Variants in MROH6 observed in about 807,000 individuals in gnomAD.
MROH6 encodes maestro heat like repeat family member 6, also known as maestro heat-like repeat-containing protein family member 6.
A neutral mutation model predicts 67.7 loss-of-function variants in MROH6; 62 were observed. The observed-to-expected ratio is 0.92, with a 90% CI of 0.75 to 1.13. The LOEUF is 1.13. Ranked by LOEUF, MROH6 falls within the 50% of genes most tolerant of loss-of-function variation. The probability of loss-of-function intolerance (pLI) is 0.00; values close to 1 mark genes in which losing one functional copy is unlikely to be tolerated. For synonymous variants in MROH6, 566 were observed against 470.8 expected, an observed-to-expected ratio of 1.20 and a Z score of -2.62; for missense variants, 1,175 against 1,029.1, an observed-to-expected ratio of 1.14 and a Z score of -1.94.
At position 143,568,278 on chromosome 8, in the gene MROH6, G is replaced by A. The variant is rs571835476; in HGVS notation, c.1645-17C>T. 4 of 1,598,472 alleles carry A rather than the reference G, an allele frequency of 2.5e-6. No individual in the cohort carries two copies. The highest frequency in any genetic ancestry group is 1.7e-4 in the Middle Eastern group (1 of 5,936). On this transcript the variant is annotated splice_polypyrimidine_tract_variant and intron_variant, in intron 10 of 13. Coordinates refer to ENST00000398882, the MANE Select transcript of MROH6 (RefSeq NM_001100878.2). ...CTCTGAGCTCTGGGATAGGGGAAGTGAGCCGGGTCAGGGGTCCAGGAAGTA... is the reference window on the plus strand; with the variant it reads ...CTCTGAGCTCTGGGATAGGGGAAGTAAGCCGGGTCAGGGGTCCAGGAAGTA...
At position 143,566,480 on chromosome 8, in the gene MROH6, C is replaced by T. The variant is rs1282929663; in HGVS notation, c.*759G>A. On this transcript the variant is annotated 3_prime_UTR_variant, in exon 14 of 14. Coordinates refer to ENST00000398882, the MANE Select transcript of MROH6 (RefSeq NM_001100878.2). ...GCATCAGTAGCTCCCAGAGCAGCCTCTTCCTCATGTGTCCAGTGGCGCGTT... is the reference window on the plus strand; with the variant it reads ...GCATCAGTAGCTCCCAGAGCAGCCTTTTCCTCATGTGTCCAGTGGCGCGTT... 6.6e-6 allele frequency: 1 copy of T among 152,302 alleles called. No homozygotes were observed. Among genetic ancestry groups the T allele is most frequent in the Admixed American group, 6.5e-5 (1 of 15,290 alleles). 9.4% of individuals were successfully genotyped at this position (152,302 alleles called of 1,614,324 possible).
At position 143,568,594 on chromosome 8, in the gene MROH6, C is replaced by T. The variant is rs780395448; in HGVS notation, c.1602G>A (p.Pro534=). 17 of 1,545,648 alleles carry T rather than the reference C, an allele frequency of 1.1e-5. No individual in the cohort carries two copies. In the African/African-American group the frequency reaches 2.2e-4, roughly 20 times the overall value. The change falls in exon 10 of 14, where the codon CCG becomes CCA. Residue 534 remains proline (P), a synonymous_variant. Transcript: ENST00000398882. ...TGGGGTCATGCAGGCGCAGCAGCAG[C>T]GGCACGAGACTCTGCAGCACCAGCT... ...LRKLVLQSLV[P]LLLRLHDPSR...
chr8:143,568,834 G>T, intron 9 of MROH6, 115 bp from the exon 10 acceptor site: 1 of 771,916 alleles, frequency 1.3e-6, no homozygotes, highest in Non-Finnish European at 2.0e-6. Flanking sequence ...TGCTGACTCG[G>T]TGTGATCTGG....
At position 143,569,540 on chromosome 8, in the gene MROH6, T is replaced by A; in HGVS notation, c.1377A>T (p.Ala459=). 6.5e-7 allele frequency: 1 copy of A among 1,528,860 alleles called. No individual in the cohort carries two copies. The highest frequency in any genetic ancestry group is 8.7e-7 in the Non-Finnish European group (1 of 1,144,048). 94.7% of individuals were successfully genotyped at this position (1,528,860 alleles called of 1,614,324 possible). A position where few individuals can be genotyped will look rare whatever the true frequency, so the allele number is the denominator to read the frequency against. Residue 459 remains alanine, a synonymous_variant, in exon 9 of 14, where the codon GCA becomes GCT. Transcript: ENST00000398882. ...LGEGDARLVG[A]ALGALRRLLL... ...GGAGCCTCCTCAGGGCGCCCAGCGC[T>A]GCACCCACGAGCCGCGCGTCGCCTT...
intron 1 of MROH6, 74 bp from the exon 2 acceptor site, chr8:143,572,259 A>T: frequency 6.4e-7 from 1 of 1,571,210 alleles, no homozygotes; most frequent in Non-Finnish European, 8.6e-7. Flanking sequence ...TCGGCCTCCC[A>T]CCTGGCTTCC....
chr8:143,570,777 G>T, intron 4 of MROH6, 100 bp downstream of exon 4: 1 of 1,410,988 alleles, frequency 7.1e-7, no homozygotes, highest in South Asian at 1.3e-5. Context: ...GACATTCCAG[G>T]AGCAGTTACC....
In MROH6 at chr8:143,566,756, T is replaced by C. The variant is rs985144796; in HGVS notation, c.*483A>G. The C allele has an allele frequency of 2.0e-5, 3 of 152,660 alleles. No homozygotes were observed. The highest frequency in any genetic ancestry group is 7.2e-5 in the African/African-American group (3 of 41,406). The allele number at this position is 152,660 out of a possible 1,614,324, so 9.5% of individuals were successfully genotyped here. ...GTGGCCGGGAGACAGGTCAATAATT[T>C]TGAGCAGAGAGGATGCCCGCCAGGA... On this transcript the variant is annotated 3_prime_UTR_variant, in exon 14 of 14. Coordinates refer to ENST00000398882, the MANE Select transcript of MROH6 (RefSeq NM_001100878.2).
In MROH6 at chr8:143,567,485, C is replaced by T; in HGVS notation, c.1934-20G>A. On this transcript the variant is annotated intron_variant, in intron 13 of 13. Transcript: ENST00000398882. ...CTAGGTCTGCGAGGAGATCGCGGCT[C>T]AGGCTGGGGAGCCCAGGAGGGCCGA... is the stretch of plus-strand genomic sequence containing the variant. The T allele has an allele frequency of 1.4e-6, 2 of 1,427,402 alleles. No homozygotes were observed. Among genetic ancestry groups the T allele is most frequent in the Non-Finnish European group, 1.8e-6 (2 of 1,085,480 alleles). The allele number at this position is 1,427,402 out of a possible 1,614,324, so 88.4% of individuals were successfully genotyped here.
intron 3 of MROH6, among the ~76,000 whole-genome samples, 187 bp from the exon 4 acceptor site, chr8:143,571,181 A>G (rs1824014426): frequency 6.6e-6 from 1 of 152,226 alleles, no homozygotes; most frequent in African/African-American, 2.4e-5. Context: ...GCAGACCACA[A>G]CATAGCCTAT....
rs754379794 is a variant in MROH6 at position 143,567,722 on chromosome 8, G to T, written c.1868-46C>A. ...GAGTGCAGGCCCCACAGCCCCCCAGGGGGAGGCTGGCCCAGCTCCCAAAGC... is the reference window on the plus strand; with the variant it reads ...GAGTGCAGGCCCCACAGCCCCCCAGTGGGAGGCTGGCCCAGCTCCCAAAGC... On this transcript the variant is annotated intron_variant, in intron 12 of 13. Transcript: ENST00000398882. The T allele has an allele frequency of 7.0e-6, 11 of 1,572,316 alleles. No homozygotes were observed. The Admixed American group carries it at 1.3e-4, about 18-fold the overall frequency.
rs201639653 is a variant in MROH6 at position 143,570,575 on chromosome 8, G to A, written c.803C>T (p.Ala268Val). The change falls in exon 5 of 14, where the codon GCG becomes GTG. Residue 268 changes from alanine to valine, a missense_variant. Coordinates refer to ENST00000398882, the MANE Select transcript of MROH6 (RefSeq NM_001100878.2). ...TRGFYPHLLL[A>V]LVTQLHKLAR... ...CAGCTTGTGCAGCTGTGTGACCAGC[G>A]CAAGCAGCAGATGTGGGTAGAAGCC... 146 of 1,607,482 alleles carry A rather than the reference G, an allele frequency of 9.1e-5. No homozygotes were observed. Among genetic ancestry groups the A allele is most frequent in the Admixed American group, 1.7e-4 (10 of 60,020 alleles).
chr8:143,567,980 G>A, intron 11 of MROH6, 92 bp from the exon 12 acceptor site: 1 of 1,430,926 alleles, frequency 7.0e-7, no homozygotes. Context: ...GGGTTCCAGG[G>A]GAGCCCCCAG....
chr8:143,567,591 C>T lies in MROH6; in HGVS notation c.1933+20G>A, dbSNP rs1375182548. On this transcript the variant is annotated intron_variant, in intron 13 of 13. Transcript: ENST00000398882. ...AGCCACGTCTCCAGGACACCATCCC[C>T]TGGCAAGGTGGGGCCTCACCCTGGA... The T allele has an allele frequency of 1.3e-6, 2 of 1,550,536 alleles. No individual in the cohort carries two copies. Among genetic ancestry groups the T allele is most frequent in the Non-Finnish European group, 1.7e-6 (2 of 1,147,242 alleles).
At chr8:143,568,115 TG>T in intron 11 of MROH6, 26 bp downstream of exon 11, 1 of 1,578,696 alleles carries the variant, frequency 6.3e-7, no homozygotes, top group Non-Finnish European at 8.6e-7. Flanking sequence ...CATACCCCCT[TG>T]CGGTCACCTT....
chr8:143,567,790 A>G lies in MROH6; in HGVS notation c.1863T>C (p.Leu621=). The change falls in exon 12 of 14, where the codon CTT becomes CTC. Residue 621 remains leucine (L), a synonymous_variant. Coordinates refer to ENST00000398882, the MANE Select transcript of MROH6 (RefSeq NM_001100878.2). ...QDPLRRAAAV[L]IGFLVHHASP... is the part of the protein sequence containing the mutation. The stretch of plus-strand genomic sequence containing the variant: ...TGTGACCCCGGGCGGCCTCACCTAT[A>G]AGCACGGCGGCTGCCCGGCGCAGGG... 1.9e-6 allele frequency: 3 copies of G among 1,554,430 alleles called. No individual in the cohort carries two copies. The highest frequency in any genetic ancestry group is 2.6e-6 in the Non-Finnish European group (3 of 1,149,144).
In MROH6 at chr8:143,569,614, CCTG is replaced by C; in HGVS notation, c.1303-3_1303-1del. 6.3e-7 allele frequency: 1 copy of C among 1,580,246 alleles called. No individual in the cohort carries two copies. Among genetic ancestry groups the C allele is most frequent in the Middle Eastern group, 1.7e-4 (1 of 5,880 alleles). ...GGCAGCAGCGTGCTCACGTGCCGCA[CCTG>C]CTGGGACTCGGGGTCAGCCTCTTGC... On this transcript the variant is annotated splice_acceptor_variant and splice_polypyrimidine_tract_variant and intron_variant, in intron 8 of 13. Coordinates refer to ENST00000398882, the MANE Select transcript of MROH6 (RefSeq NM_001100878.2). LOFTEE classifies it high-confidence loss of function.
rs1208147765 is a variant in MROH6 at position 143,570,994 on chromosome 8, C to G, written c.603G>C (p.Arg201=). 6.5e-7 allele frequency: 1 copy of G among 1,548,754 alleles called. No individual in the cohort carries two copies. ...ALLPRSLPAD[R]VAAELWRSLS... is the part of the protein sequence containing the mutation. ...GGCTGCGCCAGAGCTCGGCTGCTACCCTGAGGGTTTGGAGGGGGCTGGTGT... is the reference window on the plus strand; with the variant it reads ...GGCTGCGCCAGAGCTCGGCTGCTACGCTGAGGGTTTGGAGGGGGCTGGTGT... The change falls in exon 4 of 14, where the codon CGG becomes CGC. Residue 201 remains arginine (R), a splice_region_variant and synonymous_variant. Coordinates refer to ENST00000398882, the MANE Select transcript of MROH6 (RefSeq NM_001100878.2).
chr8:143,570,147 T>C, intron 6 of MROH6, 82 bp from the exon 7 acceptor site: 1 of 1,565,490 alleles, frequency 6.4e-7, no homozygotes, highest in Admixed American at 1.8e-5. Flanking sequence ...ACCACCCTCA[T>C]GCCCCTGCCT....
chr8:143,569,426 G>C lies in MROH6; in HGVS notation c.1476+15C>G. 1 of 1,430,408 alleles carries C rather than the reference G, an allele frequency of 7.0e-7. No homozygotes were observed. The highest frequency in any genetic ancestry group is 9.1e-7 in the Non-Finnish European group (1 of 1,102,160). The allele number at this position is 1,430,408 out of a possible 1,614,324, so 88.6% of individuals were successfully genotyped here. ...AGCGGCAGGGGCGGGACCCGGAGGCGGGGCGTTTGCTCACGTCGTCCAGTA... is the reference window on the plus strand; with the variant it reads ...AGCGGCAGGGGCGGGACCCGGAGGCCGGGCGTTTGCTCACGTCGTCCAGTA... On this transcript the variant is annotated intron_variant, in intron 9 of 13. Coordinates refer to ENST00000398882, the MANE Select transcript of MROH6 (RefSeq NM_001100878.2).
Sources: allele counts gnomAD v4.1 joint callset (sites outside exome capture counted in the v4.1 genomes callset), GRCh38; gene constraint gnomAD v4.1.1; transcripts MANE v1.5; gene names NCBI Gene and HGNC (gene_info 2026-07-23, HGNC 2026-07-21).